CARMIL1: variants seen among roughly 807,000 people sequenced by gnomAD.
The protein encoded by CARMIL1 is capping protein regulator and myosin 1 linker 1.
In CARMIL1, 90 loss-of-function variants were observed where a neutral mutation model predicts 177.1. The observed-to-expected ratio is 0.51, with a 90% CI of 0.43 to 0.61. The LOEUF is 0.61. Ranked by LOEUF, CARMIL1 falls within the 20% of genes least tolerant of loss-of-function variation. The pLI is 0.00. For synonymous variants in CARMIL1, 577 were observed against 606.2 expected (o/e 0.95, Z 0.71); for missense variants, 1,380 against 1,667.0 (o/e 0.83, Z 3.00).
intron 8 of CARMIL1, among the ~76,000 whole-genome samples, chr6:25,453,535 T>G (rs1313042456): frequency 2.0e-5 from 3 of 152,208 alleles, no homozygotes; most frequent in African/African-American, 4.8e-5. Context: ...ATGTTTGTAC[T>G]CAAGAGCTAA....
At chr6:25,446,572 A>G (rs1798254679) in intron 5 of CARMIL1, among the ~76,000 whole-genome samples, 1 of 152,168 alleles carries the variant, frequency 6.6e-6, no homozygotes, top group Non-Finnish European at 1.5e-5. Context: ...CAGACCACTA[A>G]AACTTTCTGC....
chr6:25,512,461 C>T (rs408734), intron 20 of CARMIL1, among the ~76,000 whole-genome samples: 66,344 of 151,808 alleles, frequency 0.44, 14,882 homozygotes, highest in Middle Eastern at 0.51. Flanking sequence ...TTTCTACTTT[C>T]AAATTGGTAA....
intron 32 of CARMIL1, 72 bp downstream of exon 32, chr6:25,594,599 T>A: frequency 1.2e-6 from 1 of 864,340 alleles, no homozygotes. Context: ...ACAATTAAAC[T>A]TAGTATACTA....
chr6:25,539,437 A>C (rs1808666272), intron 25 of CARMIL1, among the ~76,000 whole-genome samples: 1 of 151,936 alleles, frequency 6.6e-6, no homozygotes, highest in Non-Finnish European at 1.5e-5. Context: ...AAAGCAGCTC[A>C]ACTTTCATAC....
intron 17 of CARMIL1, chr6:25,507,633 A>G (rs1805041448): frequency 6.6e-6 from 1 of 152,548 alleles, no homozygotes; most frequent in Non-Finnish European, 1.5e-5. Flanking sequence ...TGTTACCTAT[A>G]TTTTCTATTT....
intron 2 of CARMIL1, among the ~76,000 whole-genome samples, chr6:25,400,912 T>C (rs752442257): frequency 3.3e-5 from 5 of 152,192 alleles, no homozygotes; most frequent in Non-Finnish European, 7.3e-5. Context: ...CCCAGACTCA[T>C]TGAGAAGACC....
At chr6:25,290,549 G>C (rs1487743491) in intron 2 of CARMIL1, among the ~76,000 whole-genome samples, 1 of 151,616 alleles carries the variant, frequency 6.6e-6, no homozygotes, top group Non-Finnish European at 1.5e-5. Context: ...GTCATTCCTA[G>C]TCTCCACTTT....
intron 2 of CARMIL1, among the ~76,000 whole-genome samples, chr6:25,294,669 G>T (rs529989823): frequency 9.9e-5 from 15 of 152,220 alleles, no homozygotes; most frequent in African/African-American, 2.6e-4. Flanking sequence ...ATTTGAAGAA[G>T]GTTATCATAC....
intron 23 of CARMIL1, among the ~76,000 whole-genome samples, chr6:25,526,235 C>T (rs1402567561): frequency 4.6e-5 from 7 of 151,576 alleles, no homozygotes; most frequent in East Asian, 3.9e-4. Flanking sequence ...CCCAGCTACT[C>T]GGGAGGCTGA....
intron 17 of CARMIL1, among the ~76,000 whole-genome samples, chr6:25,504,728 G>A (rs375100795): frequency 4.6e-5 from 7 of 151,998 alleles, no homozygotes; most frequent in East Asian, 3.9e-4. Context: ...TGGTCTTTTA[G>A]TACTGAAAAG....
chr6:25,298,777 G>A (rs541469645), intron 2 of CARMIL1, among the ~76,000 whole-genome samples: 3 of 138,126 alleles, frequency 2.2e-5, no homozygotes, highest in South Asian at 4.5e-4. Context: ...TTTTTGAGAC[G>A]GAGTTTTGCT....
At chr6:25,356,336 C>T (rs1290643069) in intron 2 of CARMIL1, among the ~76,000 whole-genome samples, 1 of 152,186 alleles carries the variant, frequency 6.6e-6, no homozygotes, top group Non-Finnish European at 1.5e-5. Flanking sequence ...GGATTACAGG[C>T]GTGAGCCACC....
intron 17 of CARMIL1, among the ~76,000 whole-genome samples, chr6:25,506,222 A>G (rs866535153): frequency 2.0e-5 from 3 of 152,228 alleles, no homozygotes; most frequent in Middle Eastern, 3.2e-3. Context: ...TATGAAAGCA[A>G]TGAATATCTG....
intron 29 of CARMIL1, chr6:25,563,425 T>C (rs1243893809): frequency 4.1e-6 from 4 of 985,256 alleles, no homozygotes; most frequent in South Asian, 4.7e-5. Flanking sequence ...TATATGTATG[T>C]GAGAGAACCT....
chr6:25,482,241 C>A lies in CARMIL1; in HGVS notation c.875-16C>A. The A allele has an allele frequency of 7.2e-7, 1 of 1,381,708 alleles. No individual in the cohort carries two copies. The highest frequency in any genetic ancestry group is 1.0e-6 in the Non-Finnish European group (1 of 990,470). The allele number at this position is 1,381,708 out of a possible 1,614,324, so 85.6% of individuals were successfully genotyped here. On this transcript the variant is annotated splice_polypyrimidine_tract_variant and intron_variant, in intron 11 of 36. Coordinates refer to ENST00000329474, the MANE Select transcript of CARMIL1 (RefSeq NM_017640.6). Reference sequence around the variant, plus strand: ...GAGAACTTGAAAATTCTAATCGCTTCTTTTTCCTTTCTCAGGTGTGTCCTC... The same window carrying A: ...GAGAACTTGAAAATTCTAATCGCTTATTTTTCCTTTCTCAGGTGTGTCCTC...
At chr6:25,456,669 G>C (rs1799557897) in intron 8 of CARMIL1, among the ~76,000 whole-genome samples, 1 of 152,146 alleles carries the variant, frequency 6.6e-6, no homozygotes, top group Admixed American at 6.5e-5. Flanking sequence ...TATGAAGGTA[G>C]AGGTACTTAC....
At chr6:25,403,850 A>G (rs7755804) in intron 2 of CARMIL1, among the ~76,000 whole-genome samples, 3,489 of 152,288 alleles carry the variant, frequency 0.023, 110 homozygotes, top group African/African-American at 0.076. Flanking sequence ...TAGATATGCC[A>G]TATGTTTTAC....
chr6:25,560,867 G>T (rs942755212), intron 29 of CARMIL1, among the ~76,000 whole-genome samples: 11 of 152,174 alleles, frequency 7.2e-5, no homozygotes, highest in Non-Finnish European at 1.5e-4. Flanking sequence ...CATAATGGTA[G>T]CCTGTAGTTT....
At position 25,520,093 on chromosome 6, in the gene CARMIL1, A is replaced by G. The variant is rs539513096; in HGVS notation, c.1875-151A>G. The G allele has an allele frequency of 2.7e-5, 13 of 484,550 alleles. No individual in the cohort carries two copies. In the South Asian group the frequency reaches 5.0e-4, roughly 19 times the overall value. The allele number at this position is 484,550 out of a possible 1,614,324, so 30.0% of individuals were successfully genotyped here. ...GCACATGTGGTTATTACAAAGGATA[A>G]TCTGCAATCTAGGGGCCTAAATGGT... On this transcript the variant is annotated intron_variant, in intron 22 of 36. Transcript: ENST00000329474.
Sources: allele counts gnomAD v4.1 joint callset (sites outside exome capture counted in the v4.1 genomes callset), GRCh38; gene constraint gnomAD v4.1.1; transcripts MANE v1.5; gene names NCBI Gene and HGNC (gene_info 2026-07-23, HGNC 2026-07-21).